SIPA1L1: variants seen among roughly 807,000 people sequenced by gnomAD.
The protein encoded by SIPA1L1 is signal-induced proliferation-associated 1-like protein 1.
SIPA1L1 carries 26 observed loss-of-function variants against 162.7 expected under a neutral mutation model. The observed-to-expected ratio is 0.16, with a 90% CI of 0.12 to 0.22. The LOEUF (loss-of-function observed/expected upper bound fraction) is 0.22, where lower values mean the gene tolerates loss of function less well. SIPA1L1 is among the 10% of genes least tolerant of loss of function. SIPA1L1 has a pLI of 1.00. For synonymous variants in SIPA1L1, 829 were observed against 837.4 expected (o/e 0.99, Z 0.17); for missense variants, 1,874 against 2,241.0 (o/e 0.84, Z 3.31).
chr14:71,584,854 T>C (rs2034385912), intron 4 of SIPA1L1, among the ~76,000 whole-genome samples: 1 of 152,212 alleles, frequency 6.6e-6, no homozygotes, highest in Admixed American at 6.5e-5. Flanking sequence ...CGTATTGCTC[T>C]TCTGTTTAAT....
chr14:71,514,774 A>G (rs1433665954), intron 3 of SIPA1L1, among the ~76,000 whole-genome samples: 4 of 152,224 alleles, frequency 2.6e-5, no homozygotes, highest in Admixed American at 2.0e-4. Context: ...CAACACCTAG[A>G]TTAGTGTTCT....
chr14:71,410,786 A>G (rs891377170), intron 2 of SIPA1L1, among the ~76,000 whole-genome samples: 2 of 152,158 alleles, frequency 1.3e-5, no homozygotes, highest in Non-Finnish European at 2.9e-5. Flanking sequence ...TATAGGGAGA[A>G]GGTTCATTGT....
In SIPA1L1 at chr14:71,724,690, A is replaced by G. The variant is rs769031570; in HGVS notation, c.4469A>G (p.Asn1490Ser). The G allele has an allele frequency of 1.2e-6, 2 of 1,613,512 alleles. No homozygotes were observed. The highest frequency in any genetic ancestry group is 1.7e-6 in the Non-Finnish European group (2 of 1,179,864). ...TCCAGGCGTCATCAGAGCGATGGCA[A>G]TGAAATAGCCCACACCAGGCTGCGT... The part of the protein sequence containing the change: ...DTRKRHQSDG[N>S]EIAHTRLRAS... The change falls in exon 19 of 24, where the codon AAT (asparagine) becomes AGT (serine). Residue 1490 changes from asparagine (N) to serine (S), a missense_variant. Transcript: ENST00000381232.
chr14:71,425,794 T>C (rs1197197897), intron 2 of SIPA1L1, among the ~76,000 whole-genome samples: 1 of 152,154 alleles, frequency 6.6e-6, no homozygotes, highest in Non-Finnish European at 1.5e-5. Flanking sequence ...GAGAATGGGG[T>C]ATTGATGTCT....
Position 71,739,897 on chromosome 14 carries a change from C to CT in SIPA1L1, c.*742dup, listed in dbSNP as rs1044298136. On this transcript the variant is annotated 3_prime_UTR_variant, in exon 24 of 24. Transcript: ENST00000381232. ...ATGGTCCCACTTGTGCTGCAAGACT[C>CT]TTTTTTGTTTGGCTTAATTGAGCCC... The CT allele has an allele frequency of 1.3e-5, 2 of 152,092 alleles. No individual in the cohort carries two copies. Among genetic ancestry groups the CT allele is most frequent in the Admixed American group, 1.3e-4 (2 of 15,278 alleles). The allele number at this position is 152,092 out of a possible 1,614,324, so 9.4% of individuals were successfully genotyped here.
intron 2 of SIPA1L1, among the ~76,000 whole-genome samples, chr14:71,356,567 C>CAAAAAAAAAA (rs71105772): frequency 0.26 from 10,056 of 38,838 alleles, 3,687 homozygotes; most frequent in Non-Finnish European, 0.31. Flanking sequence ...CTTGTCTCTA[C>CAAAAAAAAAA]AAAAAAAAAA....
intron 7 of SIPA1L1, among the ~76,000 whole-genome samples, chr14:71,642,076 TA>T (rs2041769912): frequency 1.3e-5 from 2 of 152,320 alleles, no homozygotes; most frequent in African/African-American, 4.8e-5. Context: ...TAAGATTAAG[TA>T]AGAGGGACTG....
At chr14:71,392,703 A>T (rs1566966483) in intron 2 of SIPA1L1, among the ~76,000 whole-genome samples, 1 of 145,496 alleles carries the variant, frequency 6.9e-6, no homozygotes, top group Non-Finnish European at 1.5e-5. Context: ...AATTTTTTGT[A>T]TTTTTTTTTT....
At chr14:71,446,707 AT>A (rs1365703755) in intron 2 of SIPA1L1, among the ~76,000 whole-genome samples, 4 of 152,062 alleles carry the variant, frequency 2.6e-5, no homozygotes, top group Non-Finnish European at 4.4e-5. Flanking sequence ...TAGGATAATT[AT>A]CTAGGATAAG....
intron 17 of SIPA1L1, among the ~76,000 whole-genome samples, chr14:71,723,286 G>A (rs183367409): frequency 1.9e-4 from 29 of 152,300 alleles, no homozygotes; most frequent in Non-Finnish European, 3.4e-4. Context: ...GCAAGACAGA[G>A]GCATGGAGAC....
At chr14:71,530,686 A>T (rs965715333) in intron 4 of SIPA1L1, among the ~76,000 whole-genome samples, 11 of 152,196 alleles carry the variant, frequency 7.2e-5, no homozygotes, top group Non-Finnish European at 1.5e-4. Flanking sequence ...ATTGAACATT[A>T]AAAAACCCAG....
At chr14:71,443,303 C>G (rs2045061880) in intron 2 of SIPA1L1, among the ~76,000 whole-genome samples, 1 of 152,022 alleles carries the variant, frequency 6.6e-6, no homozygotes, top group Admixed American at 6.6e-5. Context: ...TAGTGATATT[C>G]TAGGTACTTG....
intron 4 of SIPA1L1, among the ~76,000 whole-genome samples, chr14:71,541,619 A>G (rs570145579): frequency 6.6e-5 from 10 of 152,262 alleles, no homozygotes; most frequent in Non-Finnish European, 4.4e-5. Context: ...ATTAAAAAAT[A>G]AAAATTAGCC....
At chr14:71,440,641 C>A (rs2044763815) in intron 2 of SIPA1L1, among the ~76,000 whole-genome samples, 2 of 78,296 alleles carry the variant, frequency 2.6e-5, no homozygotes, top group East Asian at 3.8e-4. Flanking sequence ...AGTGAGAACC[C>A]ATCTCAAAAA....
intron 2 of SIPA1L1, among the ~76,000 whole-genome samples, chr14:71,423,669 T>TATTCCATTG (rs2043354529): frequency 6.6e-6 from 1 of 152,188 alleles, no homozygotes; most frequent in Admixed American, 6.5e-5. Context: ...CATTGGTGTC[T>TATTCCATTG]GAGTCTGTCT....
rs76785838 is a variant in SIPA1L1, at chr14:71,591,511, A to G, written c.1498+2141A>G. On this transcript the variant is annotated intron_variant, in intron 5 of 23. Coordinates refer to ENST00000381232, the MANE Select transcript of SIPA1L1 (RefSeq NM_001386936.1). ...AATCCTGTTTGTTCATAATAACCTC[A>G]TAAATCTAATACCCACTAATCCAGT... Among the ~76,000 whole-genome samples the G allele has an allele frequency of 1.1e-3, 172 of 152,334 alleles. 1 individual carries two copies. The highest frequency in any genetic ancestry group is 2.0e-3 in the Non-Finnish European group (134 of 68,028).
intron 2 of SIPA1L1, among the ~76,000 whole-genome samples, chr14:71,441,518 T>C (rs1279636305): frequency 1.3e-5 from 2 of 152,248 alleles, no homozygotes; most frequent in Admixed American, 6.5e-5. Flanking sequence ...TATGCTTCTT[T>C]TGAGCTTAAA....
intron 2 of SIPA1L1, among the ~76,000 whole-genome samples, chr14:71,391,267 G>T (rs946123379): frequency 2.0e-5 from 3 of 151,874 alleles, no homozygotes; most frequent in African/African-American, 7.3e-5. Flanking sequence ...CCACACGCCC[G>T]GCTAATTTTT....
intron 16 of SIPA1L1, among the ~76,000 whole-genome samples, chr14:71,707,047 A>G (rs1269142872): frequency 6.6e-6 from 1 of 151,084 alleles, no homozygotes; most frequent in Non-Finnish European, 1.5e-5. Context: ...AAAAAAAAAA[A>G]AAAGAAACTG....
Sources: gnomAD v4.1 joint callset for allele counts (sites outside exome capture counted in the v4.1 genomes callset) on GRCh38, gnomAD v4.1.1 for gene constraint, MANE v1.5 for transcripts, NCBI Gene and HGNC (gene_info 2026-07-23, HGNC 2026-07-21) for gene names.